ZGRF1: variants seen among roughly 807,000 people sequenced by gnomAD.
The protein encoded by ZGRF1 is 5'-3' DNA helicase ZGRF1.
Under a neutral mutation model 203.5 loss-of-function variants are expected in ZGRF1, and 196 were observed. That is an observed-to-expected ratio of 0.96 (90% CI 0.86 to 1.08). ZGRF1 has a LOEUF of 1.08. Among genes scored for constraint, ZGRF1 ranks in the 50% least tolerant of loss-of-function variants. ZGRF1 has a pLI of 0.00. For synonymous variants in ZGRF1, 809 were observed against 841.3 expected (o/e 0.96, Z 0.66); for missense variants, 2,326 against 2,416.3 (o/e 0.96, Z 0.78).
At chr4:112,583,212 TCAC>T (rs1430658541) in intron 15 of ZGRF1, among the ~76,000 whole-genome samples, 1 of 152,180 alleles carries the variant, frequency 6.6e-6, no homozygotes. Flanking sequence ...TACTACTAAA[TCAC>T]CATGCAAATA....
chr4:112,563,064 CA>C, intron 17 of ZGRF1, 66 bp downstream of exon 17: 1 of 1,363,882 alleles, frequency 7.3e-7, no homozygotes, highest in Non-Finnish European at 9.9e-7. Flanking sequence ...TGGCTTTAAT[CA>C]AACAGTGCAT....
chr4:112,603,176 C>T (rs974947285), intron 10 of ZGRF1, among the ~76,000 whole-genome samples: 3 of 151,892 alleles, frequency 2.0e-5, no homozygotes, highest in African/African-American at 4.8e-5. Context: ...ACTAGAGGTA[C>T]TCAGTGTCAT....
In ZGRF1 at chr4:112,562,395, G is replaced by C; in HGVS notation, c.4673C>G (p.Pro1558Arg). 1 of 1,604,992 alleles carries C rather than the reference G, an allele frequency of 6.2e-7. No homozygotes were observed. Among genetic ancestry groups the C allele is most frequent in the South Asian group, 1.1e-5 (1 of 89,758 alleles). The change falls in exon 18 of 28, where the codon CCT (proline) becomes CGT (arginine). Residue 1558 changes from proline to arginine, a missense_variant. Pro to Arg is a moderately radical substitution (Grantham distance 103, BLOSUM62 -2). Coordinates refer to ENST00000505019, the MANE Select transcript of ZGRF1 (RefSeq NM_018392.5). ...IQDYFNPATLPLTQYLLTTSS... is the reference protein window; with the variant it reads ...IQDYFNPATLRLTQYLLTTSS... ...CGTTGTTAACAGGTACTGTGTTAGA[G>C]GTAGAGTAGCTGGATTAAAGTAGTC... is the stretch of plus-strand genomic sequence containing the variant.
rs1481879848 is a variant in ZGRF1, at chr4:112,560,935, G to A, written c.4758C>T (p.Ala1586=). ...RVSKRKFIPP[A]FTNVSTKFEL... is the part of the protein sequence containing the mutation. ...CAAATTTTGTACTGACATTTGTGAA[G>A]GCTGGTGGGATAAATTTTCTCTTAC... The change falls in exon 19 of 28, where the codon GCC becomes GCT. Residue 1586 remains alanine (A), a synonymous_variant. Transcript: ENST00000505019. 2 of 1,612,268 alleles carry A rather than the reference G, an allele frequency of 1.2e-6. No homozygotes were observed. Among genetic ancestry groups the A allele is most frequent in the South Asian group, 1.1e-5 (1 of 90,986 alleles).
At chr4:112,539,817 T>A in intron 27 of ZGRF1, 46 bp downstream of exon 27, 2 of 1,604,576 alleles carry the variant, frequency 1.2e-6, no homozygotes, top group Non-Finnish European at 1.7e-6. Context: ...CCCATAAAAG[T>A]CAGTTTGAAC....
Position 112,609,392 on chromosome 4 carries a change from AGT to A in ZGRF1, c.2703_2704del (p.Leu902SerfsTer11). 1 of 1,585,374 alleles carries A rather than the reference AGT, an allele frequency of 6.3e-7. No homozygotes were observed. The highest frequency in any genetic ancestry group is 8.6e-7 in the Non-Finnish European group (1 of 1,159,930). The stretch of plus-strand genomic sequence containing the variant: ...TAAATAACTTACCTGCACAGACTGA[AGT>A]GGTTCACTTAGTTCAACTTCATCTT... On this transcript the variant is annotated frameshift_variant, in exon 8 of 28. Transcript: ENST00000505019. LOFTEE classifies it high-confidence loss of function.
rs949110889 is a variant in ZGRF1 at position 112,547,487 on chromosome 4, T to C, written c.5475-79A>G. The C allele has an allele frequency of 1.4e-5, 19 of 1,337,618 alleles. No individual in the cohort carries two copies. In the African/African-American group the frequency reaches 1.5e-4, roughly 10 times the overall value. 82.9% of individuals were successfully genotyped at this position (1,337,618 alleles called of 1,614,324 possible). On this transcript the variant is annotated intron_variant, in intron 23 of 27. Coordinates refer to ENST00000505019, the MANE Select transcript of ZGRF1 (RefSeq NM_018392.5). ...TCATTTATTGCACTGTTTGCCAAAA[T>C]TGCACTTCGAAATATTCAAATGCCA...
intron 16 of ZGRF1, among the ~76,000 whole-genome samples, chr4:112,571,181 A>T (rs1744148129): frequency 2.6e-5 from 4 of 152,148 alleles, no homozygotes; most frequent in Admixed American, 2.6e-4. Context: ...AAAGCCTCAA[A>T]ATTAGCTAAG....
intron 24 of ZGRF1, among the ~76,000 whole-genome samples, chr4:112,544,051 T>C (rs999590684): frequency 1.3e-5 from 2 of 152,078 alleles, no homozygotes; most frequent in Non-Finnish European, 2.9e-5. Flanking sequence ...AAATGTCTAA[T>C]ACAAAAGAGG....
chr4:112,546,703 G>C (rs1392268200), intron 24 of ZGRF1: 2 of 152,234 alleles, frequency 1.3e-5, no homozygotes, highest in African/African-American at 4.8e-5. Flanking sequence ...ATGGATGAAT[G>C]CCATTATCAC....
At chr4:112,584,928 T>C (rs961229091) in intron 14 of ZGRF1, among the ~76,000 whole-genome samples, 1 of 152,214 alleles carries the variant, frequency 6.6e-6, no homozygotes, top group Non-Finnish European at 1.5e-5. Context: ...CAGCATACTT[T>C]TCTATTCCTC....
At chr4:112,581,902 G>T in intron 15 of ZGRF1, 100 bp from the exon 16 acceptor site, 2 of 513,146 alleles carry the variant, frequency 3.9e-6, no homozygotes, top group Non-Finnish European at 3.2e-6. Context: ...GGTTTCATAT[G>T]TTTACCTAGT....
chr4:112,584,207 G>A, intron 14 of ZGRF1, 33 bp from the exon 15 acceptor site: 1 of 1,427,922 alleles, frequency 7.0e-7, no homozygotes, highest in South Asian at 1.4e-5. Context: ...AACATTTAGT[G>A]AAAAAAATGC....
chr4:112,626,909 G>C (rs530522467), intron 3 of ZGRF1, among the ~76,000 whole-genome samples: 1 of 152,036 alleles, frequency 6.6e-6, no homozygotes, highest in Admixed American at 6.6e-5. Context: ...AGATTCAAGC[G>C]ATTCTTGGGC....
intron 8 of ZGRF1, chr4:112,607,920 G>A (rs1751011590): frequency 6.6e-6 from 1 of 151,718 alleles, no homozygotes; most frequent in Non-Finnish European, 1.5e-5. Context: ...TAGTCTGGGT[G>A]ACAGAGTAAG....
intron 16 of ZGRF1, among the ~76,000 whole-genome samples, chr4:112,570,568 G>A (rs1464016556): frequency 6.6e-6 from 1 of 151,984 alleles, no homozygotes; most frequent in Non-Finnish European, 1.5e-5. Flanking sequence ...CTGGGCAACA[G>A]AGCAAGACTC....
chr4:112,552,922 C>T (rs1326423577), intron 22 of ZGRF1, among the ~76,000 whole-genome samples: 1 of 152,220 alleles, frequency 6.6e-6, no homozygotes, highest in Non-Finnish European at 1.5e-5. Flanking sequence ...CCCTCTTGCA[C>T]TTCTGCCATC....
At chr4:112,561,075 C>A in intron 18 of ZGRF1, 80 bp from the exon 19 acceptor site, 1 of 1,149,294 alleles carries the variant, frequency 8.7e-7, no homozygotes, top group Non-Finnish European at 1.3e-6. Context: ...ATAACTTAGC[C>A]ATCACTTTGT....
chr4:112,570,035 C>A (rs1194930039), intron 16 of ZGRF1, among the ~76,000 whole-genome samples: 1 of 151,842 alleles, frequency 6.6e-6, no homozygotes, highest in African/African-American at 2.4e-5. Flanking sequence ...ATATAAGATG[C>A]AAAAAGTAAT....
Sources: gnomAD v4.1 joint callset for allele counts (sites outside exome capture counted in the v4.1 genomes callset) on GRCh38, gnomAD v4.1.1 for gene constraint, MANE v1.5 for transcripts, NCBI Gene and HGNC (gene_info 2026-07-23, HGNC 2026-07-21) for gene names.